Variants in CEP128 observed in about 807,000 individuals in gnomAD.
CEP128 encodes the protein centrosomal protein 128kDa.
In CEP128, 132 loss-of-function variants were observed where a neutral mutation model predicts 156.7. That is an observed-to-expected ratio of 0.84 (90% CI 0.73 to 0.97). The LOEUF (loss-of-function observed/expected upper bound fraction) is 0.97, where lower values mean the gene tolerates loss of function less well. Ranked by LOEUF, CEP128 falls within the 50% of genes least tolerant of loss-of-function variation. The pLI is 0.00. For synonymous variants in CEP128, 469 were observed against 448.9 expected (o/e 1.04, Z -0.57); for missense variants, 1,252 against 1,281.9 (o/e 0.98, Z 0.36).
chr14:80,688,525 G>C (rs1896602851), intron 19 of CEP128, among the ~76,000 whole-genome samples: 1 of 152,110 alleles, frequency 6.6e-6, no homozygotes, highest in Admixed American at 6.6e-5. Flanking sequence ...CATTGCAATA[G>C]TTCCCAAACC....
chr14:80,606,800 C>G (rs1263225722), intron 19 of CEP128, among the ~76,000 whole-genome samples: 1 of 151,922 alleles, frequency 6.6e-6, no homozygotes, highest in Non-Finnish European at 1.5e-5. Context: ...AGCAGAAAAG[C>G]CTGGATCCTG....
At chr14:80,811,513 T>C (rs77596324) in intron 13 of CEP128, among the ~76,000 whole-genome samples, 7,132 of 152,260 alleles carry the variant, frequency 0.047, 185 homozygotes, top group Middle Eastern at 0.062. Flanking sequence ...CTCTAACTAA[T>C]GGATGTTGAA....
intron 19 of CEP128, among the ~76,000 whole-genome samples, chr14:80,663,677 G>T (rs545551772): frequency 3.3e-4 from 51 of 152,306 alleles, no homozygotes; most frequent in African/African-American, 1.2e-3. Flanking sequence ...CTATTGCACT[G>T]AATTCTCACA....
intron 19 of CEP128, among the ~76,000 whole-genome samples, chr14:80,705,195 G>T (rs1202272250): frequency 6.6e-6 from 1 of 151,836 alleles, no homozygotes; most frequent in Non-Finnish European, 1.5e-5. Context: ...CTGGAATCAT[G>T]CAATGCAATT....
chr14:80,737,007 T>C (rs989805933), intron 19 of CEP128, among the ~76,000 whole-genome samples: 30 of 152,352 alleles, frequency 2.0e-4, no homozygotes, highest in African/African-American at 7.2e-4. Context: ...GAAACATCTA[T>C]AAGCAAAAGA....
At chr14:80,484,188 G>A (rs1887111540) in intron 14 of CEP128, among the ~76,000 whole-genome samples, 1 of 152,052 alleles carries the variant, frequency 6.6e-6, no homozygotes, top group South Asian at 2.1e-4. Flanking sequence ...AAGTTTCCTG[G>A]GCTGGTCTCA....
intron 8 of CEP128, among the ~76,000 whole-genome samples, chr14:80,890,801 A>C (rs773195461): frequency 5.3e-5 from 8 of 152,158 alleles, no homozygotes; most frequent in Non-Finnish European, 1.2e-4. Context: ...AATTAAAAAT[A>C]AAAATAAAAA....
At chr14:80,533,361 A>C (rs1316676782) in intron 21 of CEP128, among the ~76,000 whole-genome samples, 16 of 152,066 alleles carry the variant, frequency 1.1e-4, no homozygotes, top group Middle Eastern at 3.2e-3. Context: ...TCTCATTTTG[A>C]AGTGATCTTC....
chr14:80,774,826 A>G (rs1595379576), intron 16 of CEP128, among the ~76,000 whole-genome samples: 2 of 152,312 alleles, frequency 1.3e-5, no homozygotes, highest in East Asian at 3.9e-4. Flanking sequence ...TGTGCCTTCA[A>G]TATCACTTGC....
At chr14:80,650,183 G>T (rs2140844974) in intron 19 of CEP128, among the ~76,000 whole-genome samples, 1 of 152,212 alleles carries the variant, frequency 6.6e-6, no homozygotes, top group African/African-American at 2.4e-5. Context: ...CAGCAATTGT[G>T]AATGGGAGTT....
At chr14:80,688,032 T>C (rs1219841200) in intron 19 of CEP128, among the ~76,000 whole-genome samples, 1 of 152,170 alleles carries the variant, frequency 6.6e-6, no homozygotes, top group Non-Finnish European at 1.5e-5. Flanking sequence ...CTGGCTTGAC[T>C]TTTAACAGAA....
chr14:80,656,735 A>G (rs1254830645), intron 19 of CEP128, among the ~76,000 whole-genome samples: 1 of 152,136 alleles, frequency 6.6e-6, no homozygotes, highest in South Asian at 2.1e-4. Context: ...ACAGAACAGA[A>G]TCAATATTTT....
intron 9 of CEP128, among the ~76,000 whole-genome samples, chr14:80,862,342 G>A (rs1887555180): frequency 1.3e-5 from 2 of 152,320 alleles, no homozygotes; most frequent in African/African-American, 2.4e-5. Flanking sequence ...TTTGACCTGT[G>A]AGCCACAGTT....
At chr14:80,904,266 T>C (rs964517198) in intron 6 of CEP128, among the ~76,000 whole-genome samples, 3 of 152,078 alleles carry the variant, frequency 2.0e-5, no homozygotes, top group Non-Finnish European at 4.4e-5. Context: ...ATGATCCCAC[T>C]TGTGTATGAA....
At chr14:80,825,014 G>T (rs1348582575) in intron 13 of CEP128, among the ~76,000 whole-genome samples, 2 of 152,190 alleles carry the variant, frequency 1.3e-5, no homozygotes, top group African/African-American at 4.8e-5. Context: ...AAGGTGAAAG[G>T]CATGTCTTAC....
At chr14:80,883,555 GA>G (rs1280081267) in intron 8 of CEP128, among the ~76,000 whole-genome samples, 1 of 152,134 alleles carries the variant, frequency 6.6e-6, no homozygotes, top group East Asian at 1.9e-4. Context: ...TCTCTACAGT[GA>G]AAACTATATA....
intron 13 of CEP128, among the ~76,000 whole-genome samples, chr14:80,795,326 C>T (rs954407847): frequency 3.9e-5 from 6 of 152,336 alleles, no homozygotes; most frequent in Middle Eastern, 3.4e-3. Context: ...ATTACACCCT[C>T]TTCCTTCTGT....
Position 80,765,320 on chromosome 14 carries a change from G to C in CEP128, c.2377-3707C>G, listed in dbSNP as rs954000666. Among the ~76,000 whole-genome samples the C allele has an allele frequency of 2.6e-5, 4 of 152,342 alleles. No homozygotes were observed. In the East Asian group the frequency reaches 7.7e-4, roughly 29 times the overall value. On this transcript the variant is annotated intron_variant, in intron 16 of 24. Transcript: ENST00000555265. ...TAGATGTGCTGACTAAGCAAGCACA[G>C]CTAATTCTGGGGGAGGGTTGGGGCT...
chr14:80,668,129 T>C (rs368689763), intron 19 of CEP128, among the ~76,000 whole-genome samples: 2 of 152,220 alleles, frequency 1.3e-5, no homozygotes, highest in African/African-American at 4.8e-5. Flanking sequence ...CAACAGTCTG[T>C]GAGGTAAATG....
Sources: gnomAD v4.1 joint callset for allele counts (sites outside exome capture counted in the v4.1 genomes callset) on GRCh38, gnomAD v4.1.1 for gene constraint, MANE v1.5 for transcripts, NCBI Gene and HGNC (gene_info 2026-07-23, HGNC 2026-07-21) for gene names.